The following VIRMA variants were observed in gnomAD, a reference collection of about 807,000 sequenced individuals.
The protein encoded by VIRMA is vir like m6A methyltransferase associated, also known as protein virilizer homolog.
Under a neutral mutation model 182.4 loss-of-function variants are expected in VIRMA, and 65 were observed. The ratio of observed to expected loss-of-function variants is 0.36; its 90% CI spans 0.29 to 0.44. The LOEUF (loss-of-function observed/expected upper bound fraction) is 0.44, where lower values mean the gene tolerates loss of function less well. Among genes scored for constraint, VIRMA ranks in the 20% least tolerant of loss-of-function variants. The pLI is 1.00. For missense variants in VIRMA, 1,752 were observed against 2,158.1 expected, an observed-to-expected ratio of 0.81 and a Z score of 3.73; for synonymous variants, 709 against 743.1, an observed-to-expected ratio of 0.95 and a Z score of 0.75.
At chr8:94,521,532 T>G (rs2130335483) in intron 8 of VIRMA, among the ~76,000 whole-genome samples, 2 of 152,318 alleles carry the variant, frequency 1.3e-5, no homozygotes, top group South Asian at 4.1e-4. Context: ...TAATGAAAAC[T>G]TCTTAATTTT....
At chr8:94,533,620 T>A (rs916834181) in intron 5 of VIRMA, 8 of 108,982 alleles carry the variant, frequency 7.3e-5, no homozygotes, top group African/African-American at 2.2e-4. Flanking sequence ...CTTTCTTTTT[T>A]TTTTTTTTTT....
Position 94,511,492 on chromosome 8 carries a change from A to T in VIRMA, c.3083T>A (p.Phe1028Tyr), listed in dbSNP as rs1278065308. 2 of 1,614,144 alleles carry T rather than the reference A, an allele frequency of 1.2e-6. No individual in the cohort carries two copies. Among genetic ancestry groups the T allele is most frequent in the East Asian group, 2.2e-5 (1 of 44,878 alleles). Residue 1028 changes from phenylalanine to tyrosine, a missense_variant, in exon 13 of 24, where the codon TTT becomes TAT. Physicochemically the swap from Phe to Tyr is conservative, Grantham distance 22. Transcript: ENST00000297591. The stretch of plus-strand genomic sequence containing the variant: ...CGCTGAAGGAACACGCATGTCCTTA[A>T]ACTCAAAGGATCCACCTCTCAGGAG... ...TELLRGGSFEFKDMRVPSALV... is the reference protein window; with the variant it reads ...TELLRGGSFEYKDMRVPSALV...
chr8:94,509,885 G>A lies in VIRMA; in HGVS notation c.3682C>T (p.Leu1228Phe), dbSNP rs758448149. ...YTSQTTRLLALLDALASHKAC... is the reference protein window; with the variant it reads ...YTSQTTRLLAFLDALASHKAC... ...TTGTGTGAAGCCAGAGCATCAAGAA[G>A]AGCAAGCAACCTGGTGGTTTGGCTA... Residue 1228 changes from leucine (L) to phenylalanine (F), a missense_variant, in exon 15 of 24, where the codon CTT becomes TTT. This residue lies in a region of VIRMA where 777 missense variants were observed against 920.6 expected (regional missense o/e 0.84). Transcript: ENST00000297591. 4 of 1,613,942 alleles carry A rather than the reference G, an allele frequency of 2.5e-6. No individual in the cohort carries two copies. The highest frequency in any genetic ancestry group is 1.7e-5 in the Admixed American group (1 of 59,992).
At chr8:94,517,497 C>T (rs1814601403) in intron 10 of VIRMA, among the ~76,000 whole-genome samples, 1 of 152,192 alleles carries the variant, frequency 6.6e-6, no homozygotes, top group African/African-American at 2.4e-5. Context: ...GCCACCGCAC[C>T]CGGCCTTGAG....
At position 94,512,022 on chromosome 8, in the gene VIRMA, A is replaced by G. The variant is rs770093691; in HGVS notation, c.2819T>C (p.Val940Ala). The G allele has an allele frequency of 3.3e-6, 5 of 1,535,336 alleles. No individual in the cohort carries two copies. The highest frequency in any genetic ancestry group is 4.4e-6 in the Non-Finnish European group (5 of 1,140,678). ...TTCAACAGGAGGTGGTGGGCATGCA[A>G]CATTACAGAGAACACGTAAGGCAGT... is the stretch of plus-strand genomic sequence containing the variant. The part of the protein sequence containing the change: ...LTTALRVLCN[V>A]ACPPPPVEGQ... The change falls in exon 12 of 24, where the codon GTT (valine) becomes GCT (alanine). Residue 940 changes from valine (V) to alanine (A), a missense_variant. Physicochemically the swap from Val to Ala is moderately conservative, Grantham distance 64 (BLOSUM62 0). Around this residue, in one of 11 missense-constraint regions of VIRMA, gnomAD observed 777 missense variants for 920.6 expected, o/e 0.84. Transcript: ENST00000297591.
At chr8:94,507,787 T>C (rs947487740) in intron 15 of VIRMA, among the ~76,000 whole-genome samples, 1 of 151,168 alleles carries the variant, frequency 6.6e-6, no homozygotes, top group Non-Finnish European at 1.5e-5. Context: ...AAAAGCCCCC[T>C]GCAATTTAAA....
chr8:94,517,499 G>A lies in VIRMA; in HGVS notation c.2668+289C>T, dbSNP rs184390795. 1.8e-3 allele frequency among the ~76,000 whole-genome samples: 275 copies of A among 152,226 alleles called. 2 individuals carry two copies. The highest frequency in any genetic ancestry group is 6.0e-3 in the African/African-American group (250 of 41,542). Reference sequence around the variant, plus strand: ...ATTACAGGCATGAGCCACCGCACCCGGCCTTGAGTTTGTCTTTAAACTCTT... The same window carrying A: ...ATTACAGGCATGAGCCACCGCACCCAGCCTTGAGTTTGTCTTTAAACTCTT... On this transcript the variant is annotated intron_variant, in intron 10 of 23. Transcript: ENST00000297591.
Position 94,526,272 on chromosome 8 carries a change from G to A in VIRMA, c.1972C>T (p.Arg658Ter), listed in dbSNP as rs1429825081. The A allele has an allele frequency of 1.9e-6, 3 of 1,613,826 alleles. No homozygotes were observed. Among genetic ancestry groups the A allele is most frequent in the Non-Finnish European group, 2.5e-6 (3 of 1,179,830 alleles). Residue 658 changes from arginine to a stop codon, truncating the protein, a stop_gained, in exon 8 of 24, where the codon CGA becomes TGA. Coordinates refer to ENST00000297591, the MANE Select transcript of VIRMA (RefSeq NM_015496.5). LOFTEE classifies it high-confidence loss of function. ...QPVKSFPTMARITGPPERDDP... is the reference protein window; with the variant it reads ...QPVKSFPTMA ...TCCCTCTCTGGAGGTCCAGTAATTCGTGCCATCGTTGGGAAAGACTTAACA... is the reference window on the plus strand; with the variant it reads ...TCCCTCTCTGGAGGTCCAGTAATTCATGCCATCGTTGGGAAAGACTTAACA...
chr8:94,488,743 C>G lies in VIRMA; in HGVS notation c.5402G>C (p.Ser1801Thr), dbSNP rs767876266. Residue 1801 changes from serine (S) to threonine (T), a missense_variant, in exon 24 of 24, where the codon AGT becomes ACT. Ser to Thr is a moderately conservative substitution (Grantham distance 58, BLOSUM62 1). Transcript: ENST00000297591. Reference sequence around the variant, plus strand: ...GGAGCGTACATGACGACCTCTACCACTGCCTCCACTAACAAACTTTCCTCT... The same window carrying G: ...GGAGCGTACATGACGACCTCTACCAGTGCCTCCACTAACAAACTTTCCTCT... ...GSRGKFVSGG[S>T]GRGRHVRSFT... 6.2e-7 allele frequency: 1 copy of G among 1,614,226 alleles called. No homozygotes were observed. The highest frequency in any genetic ancestry group is 2.2e-5 in the East Asian group (1 of 44,888).
chr8:94,488,719 G>C lies in VIRMA; in HGVS notation c.5426C>G (p.Ser1809Cys). Reference protein sequence around the residue: ...GGSGRGRHVRSFTR With the variant: ...GGSGRGRHVRCFTR ...CCAAAAGGATTTTTATCGTGTAAAG[G>C]AGCGTACATGACGACCTCTACCACT... is the stretch of plus-strand genomic sequence containing the variant. Residue 1809 changes from serine (S) to cysteine (C), a missense_variant, in exon 24 of 24, where the codon TCC becomes TGC. Around this residue, in one of 11 missense-constraint regions of VIRMA, gnomAD observed 132 missense variants for 173.8 expected, o/e 0.76. Transcript: ENST00000297591. The C allele has an allele frequency of 1.2e-6, 2 of 1,614,070 alleles. No homozygotes were observed. Among genetic ancestry groups the C allele is most frequent in the Non-Finnish European group, 1.7e-6 (2 of 1,180,004 alleles).
chr8:94,509,579 T>A, intron 15 of VIRMA, 109 bp downstream of exon 15: 3 of 1,107,430 alleles, frequency 2.7e-6, no homozygotes, highest in Non-Finnish European at 3.8e-6. Flanking sequence ...AAAACATAGA[T>A]GACAGCTGTT....
intron 11 of VIRMA, chr8:94,512,470 G>T (rs1814412772): frequency 6.6e-6 from 1 of 152,362 alleles, no homozygotes; most frequent in Non-Finnish European, 1.5e-5. Context: ...ATGAAGCAAT[G>T]ACTATATTTA....
intron 16 of VIRMA, among the ~76,000 whole-genome samples, chr8:94,500,127 C>T (rs546837591): frequency 2.0e-5 from 3 of 150,236 alleles, no homozygotes; most frequent in South Asian, 2.1e-4. Context: ...TGGCCAGGCG[C>T]GGTGGCTCAC....
rs1379440074 is a variant in VIRMA at position 94,512,032 on chromosome 8, G to A, written c.2809C>T (p.Leu937Phe). Reference protein sequence around the residue: ...GVGLTTALRVLCNVACPPPPV... With the variant: ...GVGLTTALRVFCNVACPPPPV... ...GGTGGTGGGCATGCAACATTACAGAGAACACGTAAGGCAGTGGTAAGGCCA... is the reference window on the plus strand; with the variant it reads ...GGTGGTGGGCATGCAACATTACAGAAAACACGTAAGGCAGTGGTAAGGCCA... The change falls in exon 12 of 24, where the codon CTC (leucine) becomes TTC (phenylalanine). Residue 937 changes from leucine (L) to phenylalanine (F), a missense_variant. Leu to Phe is a conservative substitution (Grantham distance 22). This residue lies in a region of VIRMA where 777 missense variants were observed against 920.6 expected (regional missense o/e 0.84). Coordinates refer to ENST00000297591, the MANE Select transcript of VIRMA (RefSeq NM_015496.5). The A allele has an allele frequency of 1.3e-6, 2 of 1,533,866 alleles. No homozygotes were observed. Among genetic ancestry groups the A allele is most frequent in the Non-Finnish European group, 1.8e-6 (2 of 1,140,350 alleles).
rs537679106 is a variant in VIRMA at position 94,544,767 on chromosome 8, G to T, written c.64-825C>A. 2.1e-4 allele frequency among the ~76,000 whole-genome samples: 32 copies of T among 150,882 alleles called. No individual in the cohort carries two copies. In the South Asian group the frequency reaches 4.6e-3, roughly 22 times the overall value. On this transcript the variant is annotated intron_variant, in intron 1 of 23. Coordinates refer to ENST00000297591, the MANE Select transcript of VIRMA (RefSeq NM_015496.5). ...TTCAGGGTAGGGTTTTGTGTTTTTTGGTGTAAGTTTTTTGCCATTTTTGAG... is the reference window on the plus strand; with the variant it reads ...TTCAGGGTAGGGTTTTGTGTTTTTTTGTGTAAGTTTTTTGCCATTTTTGAG...
Position 94,527,129 on chromosome 8 carries a change from T to C in VIRMA, c.1115A>G (p.Asp372Gly). The stretch of plus-strand genomic sequence containing the variant: ...TTCGATTGCCCCTGAATTTTCTTTA[T>C]CTGGACCTTGATCCTTCATTCTACT... Reference protein sequence around the residue: ...EISRMKDQGPDKENSGAIEAS... With the variant: ...EISRMKDQGPGKENSGAIEAS... Residue 372 changes from aspartate to glycine, a missense_variant, in exon 8 of 24, where the codon GAT becomes GGT. Asp to Gly is a moderately conservative substitution (Grantham distance 94). This residue lies in a region of VIRMA where 401 missense variants were observed against 455.1 expected (regional missense o/e 0.88). Coordinates refer to ENST00000297591, the MANE Select transcript of VIRMA (RefSeq NM_015496.5). 8.1e-6 allele frequency: 13 copies of C among 1,614,200 alleles called. No homozygotes were observed. The highest frequency in any genetic ancestry group is 1.1e-5 in the Non-Finnish European group (13 of 1,180,036).
chr8:94,540,448 T>A (rs540944287), intron 2 of VIRMA, among the ~76,000 whole-genome samples: 2 of 143,662 alleles, frequency 1.4e-5, no homozygotes, highest in African/African-American at 5.4e-5. Flanking sequence ...CCTTCTTTAC[T>A]TTTTCTTCTT....
chr8:94,533,706 G>GT (rs1815245795), intron 5 of VIRMA: 1 of 145,236 alleles, frequency 6.9e-6, no homozygotes, highest in African/African-American at 2.5e-5. Context: ...CTCCCAAAGT[G>GT]TAAGGATTAC....
At chr8:94,515,098 C>CTTT in intron 10 of VIRMA, 147 bp from the exon 11 acceptor site, 13 of 314,778 alleles carry the variant, frequency 4.1e-5, no homozygotes, top group South Asian at 7.2e-5. Flanking sequence ...GCATCTAATT[C>CTTT]TTTTTTTTTT....
Sources: allele counts gnomAD v4.1 joint callset (sites outside exome capture counted in the v4.1 genomes callset), GRCh38; gene constraint gnomAD v4.1.1; regional missense constraint gnomAD v4.1.1; transcripts MANE v1.5; gene names NCBI Gene and HGNC (gene_info 2026-07-23, HGNC 2026-07-21).